The following SYNPR variants were observed in gnomAD, a reference collection of about 807,000 sequenced individuals.
SYNPR encodes the protein synaptoporin.
A neutral mutation model predicts 32.9 loss-of-function variants in SYNPR; 23 were observed. That is an observed-to-expected ratio of 0.70 (90% confidence interval 0.50 to 0.99). SYNPR has a LOEUF of 0.99. Among genes scored for constraint, SYNPR ranks in the 50% least tolerant of loss-of-function variants. The pLI is 0.00. For synonymous variants in SYNPR, 146 were observed against 135.9 expected, an observed-to-expected ratio of 1.07 and a Z score of -0.52; for missense variants, 318 against 349.3, an observed-to-expected ratio of 0.91 and a Z score of 0.71.
chr3:63,205,922 C>T, the SYNPR span, among the ~76,000 whole-genome samples: 1 of 152,214 alleles, frequency 6.6e-6, no homozygotes, highest in Non-Finnish European at 1.5e-5. Context: ...TGAAAATCTA[C>T]TGAAGAAGTT....
intron 2 of SYNPR, among the ~76,000 whole-genome samples, chr3:63,295,751 C>G (rs2367788): frequency 6.6e-5 from 10 of 152,128 alleles, no homozygotes; most frequent in Non-Finnish European, 1.0e-4. Context: ...TTGTATAAAT[C>G]GAAACCACAG....
At chr3:63,579,585 G>T (rs748664750) in intron 4 of SYNPR, among the ~76,000 whole-genome samples, 26 of 152,072 alleles carry the variant, frequency 1.7e-4, no homozygotes, top group Non-Finnish European at 2.9e-4. Flanking sequence ...GTCTGCTTTT[G>T]TCCAAGACTA....
At chr3:63,325,732 C>G (rs1264668699) in intron 2 of SYNPR, among the ~76,000 whole-genome samples, 1 of 152,016 alleles carries the variant, frequency 6.6e-6, no homozygotes, top group Non-Finnish European at 1.5e-5. Context: ...TGTCTGTCCT[C>G]CCATCATTCT....
At chr3:63,208,843 A>C in the SYNPR span, among the ~76,000 whole-genome samples, 7 of 152,270 alleles carry the variant, frequency 4.6e-5, no homozygotes, top group East Asian at 1.4e-3. Context: ...GATTTGGTAG[A>C]ATACTAAAGG....
At chr3:63,489,589 G>C (rs1436229075) in intron 3 of SYNPR, among the ~76,000 whole-genome samples, 2 of 152,034 alleles carry the variant, frequency 1.3e-5, no homozygotes, top group Non-Finnish European at 2.9e-5. Context: ...AGTGTATAAG[G>C]CTCTGAATTA....
the SYNPR span, among the ~76,000 whole-genome samples, chr3:63,205,199 AG>A: frequency 6.6e-6 from 1 of 152,232 alleles, no homozygotes; most frequent in South Asian, 2.1e-4. Flanking sequence ...TTTCACAGAC[AG>A]GGGCCATGTC....
intron 3 of SYNPR, among the ~76,000 whole-genome samples, chr3:63,491,415 T>A (rs1289106464): frequency 6.6e-6 from 1 of 152,116 alleles, no homozygotes; most frequent in African/African-American, 2.4e-5. Flanking sequence ...GAGCAAGGAT[T>A]GACAAAGAAA....
At chr3:63,373,109 T>C (rs936972507) in intron 2 of SYNPR, among the ~76,000 whole-genome samples, 2 of 151,428 alleles carry the variant, frequency 1.3e-5, no homozygotes. Flanking sequence ...TTAAAGGAAA[T>C]CATCCCACCA....
intron 2 of SYNPR, among the ~76,000 whole-genome samples, chr3:63,462,306 T>G (rs1454753318): frequency 1.3e-5 from 2 of 152,084 alleles, no homozygotes; most frequent in African/African-American, 4.8e-5. Context: ...TTATCACAAT[T>G]TTATTTTTAT....
chr3:63,418,227 C>T (rs2107127700), intron 2 of SYNPR, among the ~76,000 whole-genome samples: 1 of 152,288 alleles, frequency 6.6e-6, no homozygotes, highest in South Asian at 2.1e-4. Flanking sequence ...CCACCAGTCT[C>T]TTTGAAAAAG....
chr3:63,467,644 T>C (rs1375194686), intron 2 of SYNPR, among the ~76,000 whole-genome samples: 1 of 152,182 alleles, frequency 6.6e-6, no homozygotes, highest in Non-Finnish European at 1.5e-5. Context: ...GCAGCAGCAG[T>C]TGTTGTGGTT....
chr3:63,255,108 T>G (rs184603273), intron 2 of SYNPR, among the ~76,000 whole-genome samples: 13 of 152,308 alleles, frequency 8.5e-5, no homozygotes, highest in African/African-American at 3.1e-4. Flanking sequence ...TGGGTGATAG[T>G]AGCACACCTT....
chr3:63,239,951 A>G (rs1443343566), intron 1 of SYNPR, among the ~76,000 whole-genome samples: 1 of 152,140 alleles, frequency 6.6e-6, no homozygotes, highest in East Asian at 1.9e-4. Flanking sequence ...ATGGAAATAG[A>G]TTATCAGATG....
At chr3:63,487,140 T>A (rs1446321876) in intron 3 of SYNPR, among the ~76,000 whole-genome samples, 1 of 152,214 alleles carries the variant, frequency 6.6e-6, no homozygotes, top group African/African-American at 2.4e-5. Flanking sequence ...TTAACATACT[T>A]ATTTCTAGGT....
At chr3:63,292,470 C>T (rs2086749489) in intron 2 of SYNPR, among the ~76,000 whole-genome samples, 1 of 152,112 alleles carries the variant, frequency 6.6e-6, no homozygotes, top group African/African-American at 2.4e-5. Flanking sequence ...TCACTATATT[C>T]TCATTTAGTA....
At chr3:63,520,672 C>CAAAAAAAAAA (rs5849560) in intron 3 of SYNPR, among the ~76,000 whole-genome samples, 1 of 142,582 alleles carries the variant, frequency 7.0e-6, no homozygotes, top group African/African-American at 2.6e-5. Flanking sequence ...GACTCCATCT[C>CAAAAAAAAAA]AAAAAAAAAA....
At chr3:63,486,510 T>A (rs1701153687) in intron 3 of SYNPR, among the ~76,000 whole-genome samples, 2 of 152,170 alleles carry the variant, frequency 1.3e-5, no homozygotes, top group African/African-American at 4.8e-5. Flanking sequence ...CTCCACTGCC[T>A]TATTGATGTT....
intron 3 of SYNPR, among the ~76,000 whole-genome samples, chr3:63,527,566 C>G (rs958052911): frequency 6.6e-6 from 1 of 152,128 alleles, no homozygotes; most frequent in African/African-American, 2.4e-5. Flanking sequence ...TCCATCAGCA[C>G]CAGAAATCCA....
intron 2 of SYNPR, among the ~76,000 whole-genome samples, chr3:63,360,238 T>C (rs1398074229): frequency 2.6e-5 from 4 of 152,192 alleles, no homozygotes; most frequent in East Asian, 1.9e-4. Flanking sequence ...TCTCTTTTTC[T>C]CACACACCAT....
Sources: gnomAD v4.1 joint callset for allele counts (sites outside exome capture counted in the v4.1 genomes callset) on GRCh38, gnomAD v4.1.1 for gene constraint, MANE v1.5 for transcripts, NCBI Gene and HGNC (gene_info 2026-07-23, HGNC 2026-07-21) for gene names.